Variants in ADGRG2 observed in about 807,000 individuals in gnomAD.
ADGRG2 encodes the protein G protein-coupled receptor 64.
In ADGRG2, 26 loss-of-function variants were observed where a neutral mutation model predicts 74.1. The observed-to-expected ratio is 0.35, with a 90% CI of 0.26 to 0.49. The LOEUF (loss-of-function observed/expected upper bound fraction) is 0.49. Ranked by LOEUF, ADGRG2 falls within the 20% of genes least tolerant of loss-of-function variation. The pLI, the probability that ADGRG2 is intolerant of heterozygous loss-of-function variation, is 0.99. For missense variants in ADGRG2, 619 were observed against 763.1 expected (o/e 0.81, Z 2.22); for synonymous variants, 296 against 295.2 (o/e 1.00, Z -0.03).
At chrX:19,005,925 C>A in intron 22 of ADGRG2, 77 bp downstream of exon 22, 1 of 591,388 alleles carries the variant, frequency 1.7e-6, no homozygotes, top group South Asian at 2.4e-5. Flanking sequence ...ATCCATCCAT[C>A]AGATTAGACA....
chrX:19,078,792 T>A (rs756723490), intron 2 of ADGRG2, among the ~76,000 whole-genome samples: 1 of 102,720 alleles, frequency 9.7e-6, no homozygotes, highest in African/African-American at 3.6e-5. Context: ...AAAAAGCATA[T>A]AATAAAAACA....
intron 2 of ADGRG2, 98 bp from the exon 3 acceptor site, chrX:19,068,933 C>G: frequency 2.4e-6 from 1 of 412,485 alleles, no homozygotes. Context: ...AACCTGTGAT[C>G]CTGTGCACTT....
rs752788273 is a variant in ADGRG2 at position 19,116,889 on chromosome X, G to A, written c.-47+5553C>T. 1.1e-4 allele frequency among the ~76,000 whole-genome samples: 12 copies of A among 112,394 alleles called. No homozygotes were observed. In the East Asian group the frequency reaches 3.3e-3, roughly 31 times the overall value. On this transcript the variant is annotated intron_variant, in intron 1 of 28. Transcript: ENST00000379869. ...ATGATCATCAGTTTAAAATGAAATA[G>A]AACAGATGAAAGATAATTGAAAATA...
chrX:19,037,196 G>A (rs187214216), intron 6 of ADGRG2, among the ~76,000 whole-genome samples: 42 of 112,013 alleles, frequency 3.7e-4, no homozygotes, highest in African/African-American at 1.2e-3. Context: ...GCAAGGGAAT[G>A]GATAATTCAA....
At position 19,003,133 on chromosome X, in the gene ADGRG2, A is replaced by G; in HGVS notation, c.1962-19T>C. ...GATCTTTCTAAAAGGAAAGGATGAG[A>G]ACAAGAATGAGCATTCTACTCTGCC... On this transcript the variant is annotated intron_variant, in intron 23 of 28. Transcript: ENST00000379869. 8.6e-7 allele frequency: 1 copy of G among 1,166,503 alleles called. No individual in the cohort carries two copies. The highest frequency in any genetic ancestry group is 1.2e-6 in the Non-Finnish European group (1 of 858,613).
intron 13 of ADGRG2, among the ~76,000 whole-genome samples, chrX:19,022,885 T>G (rs914920195): frequency 9.0e-6 from 1 of 111,604 alleles, no homozygotes; most frequent in African/African-American, 3.3e-5. Context: ...TTAGTAGAGA[T>G]GGGGTTTTGC....
chrX:19,056,141 T>G (rs1334350110), intron 3 of ADGRG2, among the ~76,000 whole-genome samples: 1 of 111,199 alleles, frequency 9.0e-6, no homozygotes, highest in Non-Finnish European at 1.9e-5. Flanking sequence ...CAAGGGAGGT[T>G]GGGAAATGTA....
chrX:19,014,415 G>A (rs1229356639), intron 15 of ADGRG2, among the ~76,000 whole-genome samples: 1 of 111,656 alleles, frequency 9.0e-6, no homozygotes, highest in East Asian at 2.8e-4. Flanking sequence ...GAAATGTCTC[G>A]TGACCCAACT....
intron 1 of ADGRG2, among the ~76,000 whole-genome samples, chrX:19,121,216 T>G (rs1162695710): frequency 1.8e-5 from 2 of 111,962 alleles, no homozygotes; most frequent in African/African-American, 3.3e-5. Flanking sequence ...ATAACCTGTT[T>G]GGGGCCATGC....
intron 12 of ADGRG2, 52 bp from the exon 13 acceptor site, chrX:19,023,505 G>T: frequency 1.4e-6 from 1 of 703,436 alleles, no homozygotes. Context: ...TTGGGCAGTT[G>T]GAAATATCAG....
rs2061854038 is a variant in ADGRG2 at position 19,082,029 on chromosome X, C to T, written c.-2+673G>A. On this transcript the variant is annotated intron_variant, in intron 2 of 28. Coordinates refer to ENST00000379869, the MANE Select transcript of ADGRG2 (RefSeq NM_001079858.3). ...TCAAAACTGCAGTGAGCTGTGACTGCGCCACTGCGCTCCTACCTGGGTGAC... is the reference window on the plus strand; with the variant it reads ...TCAAAACTGCAGTGAGCTGTGACTGTGCCACTGCGCTCCTACCTGGGTGAC... Among the ~76,000 whole-genome samples the T allele has an allele frequency of 3.1e-5, 3 of 95,867 alleles. No homozygotes were observed. In the South Asian group the frequency reaches 1.6e-3, roughly 51 times the overall value. 83.2% of individuals were successfully genotyped at this position (95,867 alleles called of 115,157 possible).
intron 2 of ADGRG2, among the ~76,000 whole-genome samples, chrX:19,070,127 G>A (rs1330874733): frequency 8.9e-6 from 1 of 112,397 alleles, no homozygotes; most frequent in African/African-American, 3.2e-5. Flanking sequence ...GAGGGGTTGA[G>A]AGCTGTGGGC....
chrX:19,115,722 C>T (rs2062500217), intron 1 of ADGRG2, among the ~76,000 whole-genome samples: 1 of 110,794 alleles, frequency 9.0e-6, no homozygotes, highest in South Asian at 3.8e-4. Context: ...TTTGGGAGGC[C>T]GAGGCAGGAG....
intron 13 of ADGRG2, among the ~76,000 whole-genome samples, chrX:19,022,602 A>C (rs1191082911): frequency 8.9e-6 from 1 of 112,295 alleles, no homozygotes; most frequent in African/African-American, 3.2e-5. Context: ...GACACAATTC[A>C]AAATGATAAT....
intron 24 of ADGRG2, among the ~76,000 whole-genome samples, chrX:19,002,560 G>A (rs2060152477): frequency 8.9e-6 from 1 of 111,881 alleles, no homozygotes; most frequent in African/African-American, 3.3e-5. Context: ...AATATATTGA[G>A]CACCTTCTGT....
chrX:19,073,279 CAA>C (rs2061682636), intron 2 of ADGRG2, among the ~76,000 whole-genome samples: 3 of 112,501 alleles, frequency 2.7e-5, no homozygotes, highest in African/African-American at 9.7e-5. Context: ...AGGTCATCAA[CAA>C]AGAGGATCTG....
intron 7 of ADGRG2, chrX:19,035,009 C>G (rs1219117841): frequency 8.9e-6 from 1 of 112,015 alleles, no homozygotes; most frequent in Non-Finnish European, 1.9e-5. Flanking sequence ...CAAAATACAA[C>G]TGTGAAATGA....
chrX:19,082,204 G>A (rs1189548708), intron 2 of ADGRG2, among the ~76,000 whole-genome samples: 2 of 111,255 alleles, frequency 1.8e-5, no homozygotes, highest in Non-Finnish European at 3.8e-5. Flanking sequence ...CAGAAATCTG[G>A]TTGGAAGGAT....
rs146910335 is a variant in ADGRG2 at position 19,055,598 on chromosome X, G to C, written c.118+13119C>G. ...GCAAAAAAATGTTCTATGAGCACTG[G>C]TCTATAGTGATAATTACTAGTATTT... On this transcript the variant is annotated intron_variant, in intron 3 of 28. Transcript: ENST00000379869. Among the ~76,000 whole-genome samples the C allele has an allele frequency of 7.0e-3, 785 of 111,508 alleles. 12 individuals are homozygous for C. Among genetic ancestry groups the C allele is most frequent in the African/African-American group, 0.025 (757 of 30,616 alleles).
Sources: allele counts gnomAD v4.1 joint callset (sites outside exome capture counted in the v4.1 genomes callset), GRCh38; gene constraint gnomAD v4.1.1; transcripts MANE v1.5; gene names NCBI Gene and HGNC (gene_info 2026-07-23, HGNC 2026-07-21).